The following FGF14 variants were observed in gnomAD, a reference collection of about 807,000 sequenced individuals.
The protein encoded by FGF14 is fibroblast growth factor homologous factor 4.
Under a neutral mutation model 25.5 loss-of-function variants are expected in FGF14, and 5 were observed. The observed-to-expected ratio is 0.20, with a 90% CI of 0.10 to 0.41. The LOEUF (loss-of-function observed/expected upper bound fraction) is 0.41. FGF14 is among the 10% of genes least tolerant of loss of function. The probability of loss-of-function intolerance (pLI) is 1.00; values close to 1 mark genes in which losing one functional copy is unlikely to be tolerated. For synonymous variants in FGF14, 138 were observed against 118.3 expected (o/e 1.17, Z -1.08); for missense variants, 222 against 320.1 (o/e 0.69, Z 2.34).
chr13:101,826,986 A>G (rs977961364), intron 3 of FGF14, among the ~76,000 whole-genome samples: 2 of 152,004 alleles, frequency 1.3e-5, no homozygotes, highest in African/African-American at 4.8e-5. Context: ...AATCTTGTGA[A>G]CATTTATTAA....
At chr13:101,946,923 T>A (rs2035847151) in intron 1 of FGF14, among the ~76,000 whole-genome samples, 1 of 152,212 alleles carries the variant, frequency 6.6e-6, no homozygotes, top group African/African-American at 2.4e-5. Context: ...GGTTATTATA[T>A]TTTTATATCT....
chr13:101,972,107 T>C (rs2037632856), intron 1 of FGF14, among the ~76,000 whole-genome samples: 1 of 152,236 alleles, frequency 6.6e-6, no homozygotes, highest in Non-Finnish European at 1.5e-5. Flanking sequence ...CCACCACAAT[T>C]TCCAGATGAA....
chr13:101,715,589 T>C lies in FGF14; in HGVS notation c.*7242A>G. The C allele has an allele frequency of 6.2e-7, 1 of 1,613,232 alleles. No homozygotes were observed. The highest frequency in any genetic ancestry group is 8.5e-7 in the Non-Finnish European group (1 of 1,179,258). On this transcript the variant is annotated 3_prime_UTR_variant, in exon 5 of 5. Transcript: ENST00000376143. ...GAATGGAATATGTAGCTGTGGAAAC[T>C]GTGAATGCTGGGATGGATGGAATGG...
intron 1 of FGF14, among the ~76,000 whole-genome samples, chr13:102,144,425 C>T (rs1483277370): frequency 1.3e-5 from 2 of 151,734 alleles, no homozygotes; most frequent in African/African-American, 4.8e-5. Context: ...CAATGATTTA[C>T]TTTATAAATA....
intron 1 of FGF14, among the ~76,000 whole-genome samples, chr13:101,926,536 C>G (rs747008735): frequency 2.0e-5 from 3 of 152,244 alleles, no homozygotes; most frequent in Non-Finnish European, 2.9e-5. Flanking sequence ...ATTGTGGAGA[C>G]AGGACCATTA....
At chr13:101,912,242 C>T (rs1314540849) in intron 1 of FGF14, among the ~76,000 whole-genome samples, 1 of 152,108 alleles carries the variant, frequency 6.6e-6, no homozygotes, top group African/African-American at 2.4e-5. Flanking sequence ...ATTCCTTATA[C>T]ATACTGTAAT....
chr13:102,380,594 G>A (rs1837228221), intron 1 of FGF14, among the ~76,000 whole-genome samples: 1 of 152,118 alleles, frequency 6.6e-6, no homozygotes, highest in African/African-American at 2.4e-5. Context: ...GAGAGCTGCA[G>A]CAGGAGAGGC....
At chr13:101,903,136 CAAT>C (rs2031782826) in intron 1 of FGF14, among the ~76,000 whole-genome samples, 1 of 151,958 alleles carries the variant, frequency 6.6e-6, no homozygotes, top group African/African-American at 2.4e-5. Flanking sequence ...GGAATATGTT[CAAT>C]ATTATCTACC....
intron 1 of FGF14, among the ~76,000 whole-genome samples, chr13:101,958,153 G>A (rs1446716183): frequency 6.6e-6 from 1 of 152,150 alleles, no homozygotes; most frequent in Non-Finnish European, 1.5e-5. Context: ...GAACTTGAGA[G>A]CTTTCCTAAA....
chr13:101,911,735 T>A (rs983077820), intron 1 of FGF14, among the ~76,000 whole-genome samples: 5 of 152,224 alleles, frequency 3.3e-5, no homozygotes, highest in Admixed American at 2.6e-4. Context: ...TAGAAGACCA[T>A]AATTTGATCT....
At chr13:101,783,341 A>G (rs2140041462) in intron 3 of FGF14, among the ~76,000 whole-genome samples, 1 of 152,140 alleles carries the variant, frequency 6.6e-6, no homozygotes, top group East Asian at 1.9e-4. Flanking sequence ...GTGGTGGCAC[A>G]TGCCCATAAT....
chr13:101,850,277 TCCAAAAAAAAA>T (rs1364301041), intron 3 of FGF14, among the ~76,000 whole-genome samples: 10 of 35,614 alleles, frequency 2.8e-4, no homozygotes, highest in African/African-American at 7.3e-4. Flanking sequence ...CTACTAAAAA[TCCAAAAAAAAA>T]AAAAAAAAAA....
intron 1 of FGF14, among the ~76,000 whole-genome samples, chr13:102,316,345 C>T (rs1408272843): frequency 6.6e-6 from 1 of 152,154 alleles, no homozygotes; most frequent in African/African-American, 2.4e-5. Flanking sequence ...GAACATTCAA[C>T]AAAAATGTGG....
At chr13:102,371,486 T>C (rs1445240227) in intron 1 of FGF14, among the ~76,000 whole-genome samples, 1 of 152,214 alleles carries the variant, frequency 6.6e-6, no homozygotes, top group Non-Finnish European at 1.5e-5. Flanking sequence ...ATGTCCCTTC[T>C]CCAGTGAAAC....
intron 1 of FGF14, among the ~76,000 whole-genome samples, chr13:102,028,712 TTTTG>T (rs1358449188): frequency 5.9e-5 from 9 of 151,982 alleles, no homozygotes; most frequent in African/African-American, 2.2e-4. Flanking sequence ...ATGGGGTTTT[TTTTG>T]TTTTGTTTTT....
intron 1 of FGF14, among the ~76,000 whole-genome samples, chr13:101,892,267 T>C (rs2029875133): frequency 6.6e-6 from 1 of 152,180 alleles, no homozygotes; most frequent in African/African-American, 2.4e-5. Context: ...AAAAAATTTT[T>C]GTTATGAAGA....
At chr13:101,850,162 G>A (rs553194332) in intron 3 of FGF14, among the ~76,000 whole-genome samples, 122 of 150,572 alleles carry the variant, frequency 8.1e-4, no homozygotes, top group African/African-American at 2.6e-3. Flanking sequence ...GGCCAGGCAC[G>A]CTGGCTCACA....
intron 1 of FGF14, among the ~76,000 whole-genome samples, chr13:102,049,884 T>C (rs759240714): frequency 6.6e-6 from 1 of 152,128 alleles, no homozygotes; most frequent in Admixed American, 6.6e-5. Flanking sequence ...ATCAAACATA[T>C]TCTATTTCAT....
intron 1 of FGF14, among the ~76,000 whole-genome samples, chr13:102,257,337 C>CTTTTT (rs2052492542): frequency 2.8e-4 from 7 of 24,920 alleles, no homozygotes; most frequent in Admixed American, 4.1e-4. Flanking sequence ...CATTTCCTTT[C>CTTTTT]TTTTCTTTTT....
Sources: gnomAD v4.1 joint callset for allele counts (sites outside exome capture counted in the v4.1 genomes callset) on GRCh38, gnomAD v4.1.1 for gene constraint, MANE v1.5 for transcripts, NCBI Gene and HGNC (gene_info 2026-07-23, HGNC 2026-07-21) for gene names.